Variants in ATRNL1 observed in about 807,000 individuals in gnomAD.
ATRNL1 encodes the protein attractin-like protein 1.
In ATRNL1, 95 loss-of-function variants were observed where a neutral mutation model predicts 182.7. That is an observed-to-expected ratio of 0.52 (90% CI 0.44 to 0.62). The LOEUF (loss-of-function observed/expected upper bound fraction) is 0.62. Among genes scored for constraint, ATRNL1 ranks in the 20% least tolerant of loss-of-function variants. ATRNL1 has a pLI of 0.00. For synonymous variants in ATRNL1, 576 were observed against 568.3 expected, an observed-to-expected ratio of 1.01 and a Z score of -0.19; for missense variants, 1,471 against 1,679.5, an observed-to-expected ratio of 0.88 and a Z score of 2.17.
In ATRNL1 at chr10:115,334,428, CT is replaced by C; in HGVS notation, c.3175+13del. The C allele has an allele frequency of 6.6e-7, 1 of 1,511,326 alleles. No homozygotes were observed. 93.6% of individuals were successfully genotyped at this position (1,511,326 alleles called of 1,614,324 possible). On this transcript the variant is annotated intron_variant, in intron 19 of 28. Transcript: ENST00000355044. ...TGGTGGACAGTGCACAGGTAAGTTT[CT>C]TTTAAGCAAATTTTGGTGTATTTTT...
intron 28 of ATRNL1, among the ~76,000 whole-genome samples, chr10:115,879,866 G>A (rs1428427783): frequency 1.3e-5 from 2 of 152,170 alleles, no homozygotes; most frequent in Non-Finnish European, 2.9e-5. Flanking sequence ...GGCTGTGGGT[G>A]ATGGATGGGA....
rs1850843572 is a variant in ATRNL1 at position 115,520,039 on chromosome 10, C to T, written c.3716+715C>T. 2.6e-5 allele frequency among the ~76,000 whole-genome samples: 4 copies of T among 152,228 alleles called. No homozygotes were observed. In the South Asian group the frequency reaches 8.3e-4, roughly 32 times the overall value. On this transcript the variant is annotated intron_variant, in intron 25 of 28. Coordinates refer to ENST00000355044, the MANE Select transcript of ATRNL1 (RefSeq NM_207303.4). ...TTGGAAGAGATCTTATTTTTGTTAA[C>T]ATTATTATTCACGTGTGAAGTTTAT...
rs1164053939 is a variant in ATRNL1 at position 115,363,156 on chromosome 10, A to G, written c.3175+28737A>G. ...CCACCAACAGTGTAAAAGTGTTCCT[A>G]TTTCTCCACATCCTCTCCAGCACCT... On this transcript the variant is annotated intron_variant, in intron 19 of 28. Transcript: ENST00000355044. Among the ~76,000 whole-genome samples the G allele has an allele frequency of 4.1e-5, 6 of 147,482 alleles. No individual in the cohort carries two copies. In the East Asian group the frequency reaches 8.1e-4, roughly 20 times the overall value.
chr10:115,511,971 G>C (rs1850408425), intron 24 of ATRNL1, among the ~76,000 whole-genome samples: 1 of 151,678 alleles, frequency 6.6e-6, no homozygotes. Flanking sequence ...ATTATTGTTT[G>C]AATAATCACT....
chr10:115,775,656 G>T (rs922329371), intron 27 of ATRNL1, among the ~76,000 whole-genome samples: 3 of 152,042 alleles, frequency 2.0e-5, no homozygotes, highest in African/African-American at 7.2e-5. Flanking sequence ...TACAATAAGG[G>T]TTTAAGAAGG....
chr10:115,341,894 C>T (rs1788478958), intron 19 of ATRNL1, among the ~76,000 whole-genome samples: 2 of 152,098 alleles, frequency 1.3e-5, no homozygotes, highest in African/African-American at 4.8e-5. Context: ...TTATCATAGG[C>T]TACATGTGTC....
intron 27 of ATRNL1, among the ~76,000 whole-genome samples, chr10:115,774,374 G>T (rs1364578981): frequency 7.2e-5 from 10 of 139,534 alleles, no homozygotes; most frequent in Middle Eastern, 4.3e-3. Context: ...GCGGTGAGCC[G>T]AGATCACACC....
chr10:115,521,846 G>C (rs1031713923), intron 25 of ATRNL1, among the ~76,000 whole-genome samples: 1 of 152,160 alleles, frequency 6.6e-6, no homozygotes, highest in Admixed American at 6.5e-5. Flanking sequence ...ATATTTTGAA[G>C]CTTATCAATT....
intron 18 of ATRNL1, among the ~76,000 whole-genome samples, chr10:115,333,239 T>G (rs1414321277): frequency 6.6e-6 from 1 of 152,198 alleles, no homozygotes; most frequent in East Asian, 1.9e-4. Context: ...CAGACTAAGT[T>G]AATTTTATGT....
At chr10:115,563,600 G>A (rs1207766823) in intron 26 of ATRNL1, among the ~76,000 whole-genome samples, 1 of 151,964 alleles carries the variant, frequency 6.6e-6, no homozygotes, top group Non-Finnish European at 1.5e-5. Context: ...GGAAAAAAAA[G>A]CTTTAAACAA....
chr10:115,500,402 G>T (rs1849763668), intron 24 of ATRNL1, among the ~76,000 whole-genome samples: 1 of 151,996 alleles, frequency 6.6e-6, no homozygotes, highest in Non-Finnish European at 1.5e-5. Flanking sequence ...AAAACATTAG[G>T]CAAGACTAGA....
intron 27 of ATRNL1, among the ~76,000 whole-genome samples, chr10:115,846,117 A>G (rs1456198007): frequency 2.0e-5 from 3 of 152,084 alleles, no homozygotes; most frequent in Non-Finnish European, 4.4e-5. Flanking sequence ...TTTAAAGTGT[A>G]AAACCATAGA....
intron 26 of ATRNL1, among the ~76,000 whole-genome samples, chr10:115,600,929 C>CTTTTTTTTTTTT (rs58476140): frequency 7.7e-6 from 1 of 129,860 alleles, no homozygotes; most frequent in African/African-American, 2.7e-5. Context: ...TTTTTATTTT[C>CTTTTTTTTTTTT]TTTTTTTTTT....
chr10:115,761,031 T>A (rs1222199722), intron 27 of ATRNL1, among the ~76,000 whole-genome samples: 2 of 152,214 alleles, frequency 1.3e-5, no homozygotes, highest in African/African-American at 2.4e-5. Flanking sequence ...CAGCCTTTCA[T>A]GCTGCACAAC....
At chr10:115,133,817 T>A (rs1324886567) in intron 5 of ATRNL1, among the ~76,000 whole-genome samples, 1 of 152,130 alleles carries the variant, frequency 6.6e-6, no homozygotes, top group African/African-American at 2.4e-5. Flanking sequence ...CCTCAGCAAA[T>A]GTGAAAGAAC....
At position 115,521,404 on chromosome 10, in the gene ATRNL1, C is replaced by T. The variant is rs552911849; in HGVS notation, c.3716+2080C>T. 1.6e-3 allele frequency among the ~76,000 whole-genome samples: 239 copies of T among 152,160 alleles called. 1 individual carries two copies. The highest frequency in any genetic ancestry group is 1.5e-3 in the Non-Finnish European group (102 of 68,020). ...CTGACCTCAGATGATCTGCCCACCT[C>T]GGCCTCCCAAAGTGCTGGGATTACA... On this transcript the variant is annotated intron_variant, in intron 25 of 28. Transcript: ENST00000355044.
intron 18 of ATRNL1, among the ~76,000 whole-genome samples, chr10:115,330,037 A>C (rs1390674543): frequency 6.6e-6 from 1 of 152,068 alleles, no homozygotes; most frequent in African/African-American, 2.4e-5. Flanking sequence ...TTTTTAGTGT[A>C]TATATTGTAG....
chr10:115,797,065 A>G (rs1348279895), intron 27 of ATRNL1, among the ~76,000 whole-genome samples: 1 of 152,236 alleles, frequency 6.6e-6, no homozygotes, highest in Admixed American at 6.5e-5. Flanking sequence ...AGCATTACAT[A>G]GGAATAACAA....
At chr10:115,332,240 G>A (rs1855260710) in intron 18 of ATRNL1, among the ~76,000 whole-genome samples, 1 of 152,154 alleles carries the variant, frequency 6.6e-6, no homozygotes, top group Non-Finnish European at 1.5e-5. Flanking sequence ...ATGGGGTATT[G>A]TGGTCACAGA....
Sources: allele counts gnomAD v4.1 joint callset (sites outside exome capture counted in the v4.1 genomes callset), GRCh38; gene constraint gnomAD v4.1.1; transcripts MANE v1.5; gene names NCBI Gene and HGNC (gene_info 2026-07-23, HGNC 2026-07-21).